TTC28: variants seen among roughly 807,000 people sequenced by gnomAD.
TTC28 encodes tetratricopeptide repeat domain 28.
In TTC28, 61 loss-of-function variants were observed where a neutral mutation model predicts 198.0. The ratio of observed to expected loss-of-function variants is 0.31; its 90% confidence interval spans 0.25 to 0.38. The LOEUF is 0.38. TTC28 is among the 10% of genes least tolerant of loss of function. TTC28 has a pLI of 1.00. For missense variants in TTC28, 2,678 were observed against 3,164.0 expected (o/e 0.85, Z 3.69); for synonymous variants, 1,171 against 1,297.8 (o/e 0.90, Z 2.10).
At chr22:27,992,245 C>T (rs1247325114) in intron 19 of TTC28, among the ~76,000 whole-genome samples, 1 of 152,220 alleles carries the variant, frequency 6.6e-6, no homozygotes, top group Non-Finnish European at 1.5e-5. Flanking sequence ...CTGAGTCAAG[C>T]ACCCAGCTTC....
At chr22:28,318,857 T>TA (rs1391411455) in intron 2 of TTC28, among the ~76,000 whole-genome samples, 2 of 139,262 alleles carry the variant, frequency 1.4e-5, no homozygotes, top group African/African-American at 5.3e-5. Context: ...CTCGCTCCTT[T>TA]ACCCAGGCTG....
intron 5 of TTC28, among the ~76,000 whole-genome samples, chr22:28,197,165 G>A (rs932420651): frequency 6.0e-5 from 9 of 150,228 alleles, no homozygotes; most frequent in African/African-American, 1.5e-4. Flanking sequence ...GCAAACTATC[G>A]CAAGGACAAA....
At chr22:28,586,196 G>A (rs764761553) in intron 2 of TTC28, among the ~76,000 whole-genome samples, 3 of 151,132 alleles carry the variant, frequency 2.0e-5, no homozygotes, top group East Asian at 1.9e-4. Context: ...GGAGAATAGC[G>A]TGAACCTGGG....
intron 2 of TTC28, among the ~76,000 whole-genome samples, chr22:28,351,185 G>GA (rs1305571375): frequency 4.2e-5 from 6 of 144,062 alleles, no homozygotes; most frequent in Admixed American, 2.1e-4. Flanking sequence ...CTGTCTCAAA[G>GA]AAAAAAAAAA....
At chr22:28,211,782 T>C (rs1269682060) in intron 5 of TTC28, among the ~76,000 whole-genome samples, 2 of 152,118 alleles carry the variant, frequency 1.3e-5, no homozygotes, top group Non-Finnish European at 2.9e-5. Flanking sequence ...CAAGCAGACC[T>C]AATAGACATC....
At chr22:28,164,789 T>A (rs939958366) in intron 5 of TTC28, among the ~76,000 whole-genome samples, 1 of 152,116 alleles carries the variant, frequency 6.6e-6, no homozygotes, top group South Asian at 2.1e-4. Context: ...CAAAGCTGAA[T>A]GGAGAACGAC....
rs1937676828 is a variant in TTC28, at chr22:28,001,283, C to T, written c.4398+91G>A. 3.5e-6 allele frequency: 5 copies of T among 1,427,234 alleles called. No individual in the cohort carries two copies. In the Admixed American group the frequency reaches 6.8e-5, roughly 19 times the overall value. The allele number at this position is 1,427,234 out of a possible 1,614,324, so 88.4% of individuals were successfully genotyped here. Reference sequence around the variant, plus strand: ...CACTTTTGAGGAGATCACAGCTATGCCTTCGTAACACAGCCCAGTCCGACC... The same window carrying T: ...CACTTTTGAGGAGATCACAGCTATGTCTTCGTAACACAGCCCAGTCCGACC... On this transcript the variant is annotated intron_variant, in intron 15 of 22. Coordinates refer to ENST00000397906, the MANE Select transcript of TTC28 (RefSeq NM_001145418.2).
At chr22:28,267,283 T>C (rs755859645) in intron 5 of TTC28, among the ~76,000 whole-genome samples, 1 of 152,198 alleles carries the variant, frequency 6.6e-6, no homozygotes, top group Non-Finnish European at 1.5e-5. Context: ...GAAAGAACAG[T>C]TGGATTTCTA....
chr22:28,483,800 C>G (rs1298967463), intron 2 of TTC28, among the ~76,000 whole-genome samples: 2 of 152,316 alleles, frequency 1.3e-5, no homozygotes, highest in East Asian at 3.9e-4. Flanking sequence ...TTAAACCCCA[C>G]ATGGGTGGCA....
intron 5 of TTC28, among the ~76,000 whole-genome samples, chr22:28,283,896 C>G (rs1025286590): frequency 2.4e-4 from 36 of 152,112 alleles, no homozygotes; most frequent in African/African-American, 8.7e-4. Flanking sequence ...TTACTAGGAG[C>G]AAAGTAACTG....
chr22:28,390,772 A>G (rs2046704855), intron 2 of TTC28, among the ~76,000 whole-genome samples: 1 of 152,162 alleles, frequency 6.6e-6, no homozygotes, highest in South Asian at 2.1e-4. Context: ...AATACGGCAC[A>G]CTGATGGGTC....
chr22:28,458,691 C>A (rs1175690869), intron 2 of TTC28, among the ~76,000 whole-genome samples: 2 of 151,682 alleles, frequency 1.3e-5, no homozygotes, highest in African/African-American at 2.4e-5. Flanking sequence ...ACCATCCTGG[C>A]TAACACGGTG....
chr22:28,315,574 G>A (rs1362099866), intron 2 of TTC28, among the ~76,000 whole-genome samples: 7 of 152,126 alleles, frequency 4.6e-5, no homozygotes, highest in African/African-American at 1.7e-4. Context: ...GCAAAACAGT[G>A]TTTTAGGTTC....
chr22:28,570,351 A>T (rs761035648), intron 2 of TTC28, among the ~76,000 whole-genome samples: 5 of 152,248 alleles, frequency 3.3e-5, no homozygotes. Flanking sequence ...TATAAATTCC[A>T]TACACCATGG....
At chr22:28,054,270 T>C (rs1940190409) in intron 12 of TTC28, among the ~76,000 whole-genome samples, 1 of 152,150 alleles carries the variant, frequency 6.6e-6, no homozygotes, top group African/African-American at 2.4e-5. Context: ...GAAATGAGGC[T>C]GCCTAATGAG....
intron 5 of TTC28, among the ~76,000 whole-genome samples, chr22:28,287,358 T>A (rs1430394069): frequency 1.3e-5 from 2 of 152,148 alleles, no homozygotes; most frequent in East Asian, 3.8e-4. Flanking sequence ...TAAATCTAAA[T>A]GCAATGACCT....
At chr22:28,224,179 C>T (rs1368143814) in intron 5 of TTC28, among the ~76,000 whole-genome samples, 1 of 152,124 alleles carries the variant, frequency 6.6e-6, no homozygotes. Flanking sequence ...CACATGTTAG[C>T]AGTGCTGAGG....
At chr22:28,387,907 G>A (rs1308790191) in intron 2 of TTC28, among the ~76,000 whole-genome samples, 11 of 152,202 alleles carry the variant, frequency 7.2e-5, no homozygotes, top group African/African-American at 1.2e-4. Flanking sequence ...TTTTAGACAC[G>A]AAGTCCTTAC....
At position 28,090,120 on chromosome 22, in the gene TTC28, TA is replaced by T. The variant is rs546868460; in HGVS notation, c.3932+3959del. Among the ~76,000 whole-genome samples the T allele has an allele frequency of 6.7e-3, 990 of 147,408 alleles. 10 individuals are homozygous for T. Among genetic ancestry groups the T allele is most frequent in the African/African-American group, 0.023 (906 of 40,076 alleles). On this transcript the variant is annotated intron_variant, in intron 12 of 22. Coordinates refer to ENST00000397906, the MANE Select transcript of TTC28 (RefSeq NM_001145418.2). The stretch of plus-strand genomic sequence containing the variant: ...CCTAAAAGTTAAAGTATAATAATAA[TA>T]AAAAAAGTACTATATGCCTAATTGT...
Sources: gnomAD v4.1 joint callset for allele counts (sites outside exome capture counted in the v4.1 genomes callset) on GRCh38, gnomAD v4.1.1 for gene constraint, MANE v1.5 for transcripts, NCBI Gene and HGNC (gene_info 2026-07-23, HGNC 2026-07-21) for gene names.